PCLO: variants seen among roughly 807,000 people sequenced by gnomAD.
The protein encoded by PCLO is piccolo presynaptic cytomatrix protein.
Under a neutral mutation model 427.5 loss-of-function variants are expected in PCLO, and 82 were observed. The ratio of observed to expected loss-of-function variants is 0.19; its 90% CI spans 0.16 to 0.23. The LOEUF is 0.23. Ranked by LOEUF, PCLO falls within the 10% of genes least tolerant of loss-of-function variation. The pLI is 1.00. For missense variants in PCLO, 6,239 were observed against 6,115.9 expected (o/e 1.02, Z -0.67); for synonymous variants, 2,357 against 2,155.4 (o/e 1.09, Z -2.59).
chr7:82,966,161 T>G lies in PCLO; in HGVS notation c.3627A>C (p.Gln1209His). The G allele has an allele frequency of 6.2e-7, 1 of 1,609,934 alleles. No individual in the cohort carries two copies. The highest frequency in any genetic ancestry group is 8.5e-7 in the Non-Finnish European group (1 of 1,178,964). The change falls in exon 4 of 25, where the codon CAA becomes CAC. Residue 1209 changes from glutamine to histidine, a missense_variant. Gln to His is a conservative substitution (Grantham distance 24). Transcript: ENST00000333891. Reference protein sequence around the residue: ...KLEKDKASALQEKKPLPEEKK... With the variant: ...KLEKDKASALHEKKPLPEEKK... The stretch of plus-strand genomic sequence containing the variant: ...TTTCTTCAGGGAGTGGCTTTTTTTC[T>G]TGAAGAGCTGAAGCTTTGTCTTTCT...
chr7:82,801,717 G>A (rs1791357952), intron 21 of PCLO, 126 bp from the exon 22 acceptor site: 6 of 607,194 alleles, frequency 9.9e-6, no homozygotes, highest in South Asian at 6.2e-5. Flanking sequence ...TTGCACAACC[G>A]AATATTTTTG....
chr7:83,108,334 T>C (rs1398339291), intron 3 of PCLO, among the ~76,000 whole-genome samples: 3 of 152,148 alleles, frequency 2.0e-5, no homozygotes, highest in East Asian at 1.9e-4. Flanking sequence ...TCTCAGCAGA[T>C]AGCATCTATC....
At chr7:83,064,042 T>A (rs1293219280) in intron 3 of PCLO, among the ~76,000 whole-genome samples, 1 of 152,054 alleles carries the variant, frequency 6.6e-6, no homozygotes, top group Non-Finnish European at 1.5e-5. Context: ...GGCAAGCTCC[T>A]ACAATGAGAA....
At chr7:82,788,831 T>G (rs1791039697) in intron 22 of PCLO, among the ~76,000 whole-genome samples, 1 of 151,618 alleles carries the variant, frequency 6.6e-6, no homozygotes, top group African/African-American at 2.4e-5. Flanking sequence ...CATGTTATCA[T>G]GTTTGCCGTT....
At chr7:82,808,441 G>A (rs1371089605) in intron 20 of PCLO, among the ~76,000 whole-genome samples, 1 of 151,784 alleles carries the variant, frequency 6.6e-6, no homozygotes, top group Non-Finnish European at 1.5e-5. Flanking sequence ...TGAGAAATGT[G>A]TACAGAATAT....
chr7:83,033,866 C>G (rs2116161048), intron 3 of PCLO, among the ~76,000 whole-genome samples: 1 of 152,254 alleles, frequency 6.6e-6, no homozygotes, highest in African/African-American at 2.4e-5. Flanking sequence ...CTCACCCAGG[C>G]TATTGTTAAT....
At chr7:83,038,018 TATATATATA>T in intron 3 of PCLO, among the ~76,000 whole-genome samples, 1 of 53,082 alleles carries the variant, frequency 1.9e-5, no homozygotes, top group Non-Finnish European at 3.0e-5. Flanking sequence ...TATATATATA[TATATATATA>T]TATTTATATA....
chr7:82,821,025 A>C, intron 20 of PCLO: 1 of 1,204,064 alleles, frequency 8.3e-7, no homozygotes, highest in Non-Finnish European at 1.0e-6. Context: ...AACATATTTT[A>C]TCAGACAATC....
chr7:83,043,750 C>T (rs1348327054), intron 3 of PCLO, among the ~76,000 whole-genome samples: 1 of 152,000 alleles, frequency 6.6e-6, no homozygotes, highest in Non-Finnish European at 1.5e-5. Context: ...TTGGGGTGGA[C>T]AGAAGTCTAC....
Position 83,107,634 on chromosome 7 carries a change from T to A in PCLO, c.3300+26616A>T, listed in dbSNP as rs548350782. On this transcript the variant is annotated intron_variant, in intron 3 of 24. Transcript: ENST00000333891. Reference sequence around the variant, plus strand: ...TTAACTAAAAACTAAAACCAGTTATTAATAATAATTAATACTAATAATTTA... The same window carrying A: ...TTAACTAAAAACTAAAACCAGTTATAAATAATAATTAATACTAATAATTTA... 5.6e-4 allele frequency among the ~76,000 whole-genome samples: 84 copies of A among 150,680 alleles called. 1 individual carries two copies. Among genetic ancestry groups the A allele is most frequent in the Non-Finnish European group, 1.2e-3 (78 of 67,790 alleles).
At chr7:82,852,898 A>C (rs577682897) in intron 10 of PCLO, among the ~76,000 whole-genome samples, 1 of 152,236 alleles carries the variant, frequency 6.6e-6, no homozygotes, top group Admixed American at 6.6e-5. Context: ...AGCCTTTGGC[A>C]ACCATCATTT....
intron 10 of PCLO, among the ~76,000 whole-genome samples, chr7:82,858,855 G>A (rs2115896825): frequency 6.6e-6 from 1 of 152,268 alleles, no homozygotes; most frequent in Middle Eastern, 3.4e-3. Flanking sequence ...CTATGGATCA[G>A]AAGACTCAAT....
Position 82,966,541 on chromosome 7 carries a change from T to G in PCLO, c.3301-54A>C, listed in dbSNP as rs193073007. On this transcript the variant is annotated intron_variant, in intron 3 of 24. Transcript: ENST00000333891. ...TTGAATGTATTATAATGTATCTGTTTCTGTGATTTTACCAAAGTGAAAATT... is the reference window on the plus strand; with the variant it reads ...TTGAATGTATTATAATGTATCTGTTGCTGTGATTTTACCAAAGTGAAAATT... The G allele has an allele frequency of 1.6e-3, 1,763 of 1,136,206 alleles. 3 individuals are homozygous for G. Among genetic ancestry groups the G allele is most frequent in the Non-Finnish European group, 1.8e-3 (1,473 of 837,634 alleles). 70.4% of individuals were successfully genotyped at this position (1,136,206 alleles called of 1,614,324 possible). A position where few individuals can be genotyped will look rare whatever the true frequency, so the allele number is the denominator to read the frequency against.
intron 1 of PCLO, among the ~76,000 whole-genome samples, chr7:83,157,037 A>T (rs892261446): frequency 2.0e-5 from 3 of 152,162 alleles, no homozygotes; most frequent in African/African-American, 7.2e-5. Context: ...TTTATAATCT[A>T]TTTAATTTTA....
At chr7:83,113,663 C>T (rs1461216446) in intron 3 of PCLO, among the ~76,000 whole-genome samples, 1 of 152,092 alleles carries the variant, frequency 6.6e-6, no homozygotes, top group Non-Finnish European at 1.5e-5. Flanking sequence ...CTACTGTATG[C>T]TAAGCACCTG....
intron 20 of PCLO, among the ~76,000 whole-genome samples, chr7:82,810,165 AAAT>A (rs1417782609): frequency 6.6e-6 from 1 of 151,442 alleles, no homozygotes; most frequent in Non-Finnish European, 1.5e-5. Flanking sequence ...TTATTGAGGG[AAAT>A]AATATTTTAA....
intron 22 of PCLO, among the ~76,000 whole-genome samples, chr7:82,771,285 A>G (rs1357977678): frequency 1.3e-5 from 2 of 151,878 alleles, no homozygotes; most frequent in African/African-American, 4.8e-5. Context: ...TTTCACTAAC[A>G]CGTACTATGA....
intron 6 of PCLO, among the ~76,000 whole-genome samples, chr7:82,945,234 A>C (rs1477165452): frequency 6.6e-6 from 1 of 152,198 alleles, no homozygotes; most frequent in Non-Finnish European, 1.5e-5. Flanking sequence ...CTGCAAGATA[A>C]AACTGTCCGG....
chr7:82,971,977 A>G (rs1044501196), intron 3 of PCLO, among the ~76,000 whole-genome samples: 5 of 151,730 alleles, frequency 3.3e-5, no homozygotes, highest in Non-Finnish European at 7.4e-5. Context: ...TGTTTCATCT[A>G]TGTTATCATT....
Sources: gnomAD v4.1 joint callset for allele counts (sites outside exome capture counted in the v4.1 genomes callset) on GRCh38, gnomAD v4.1.1 for gene constraint, MANE v1.5 for transcripts, NCBI Gene and HGNC (gene_info 2026-07-23, HGNC 2026-07-21) for gene names.